KIN: variants seen among roughly 807,000 people sequenced by gnomAD.
KIN encodes Kin17 DNA and RNA binding protein.
Under a neutral mutation model 63.0 loss-of-function variants are expected in KIN, and 47 were observed. That is an observed-to-expected ratio of 0.75 (90% CI 0.59 to 0.95). KIN has a LOEUF of 0.95. Among genes scored for constraint, KIN ranks in the 40% least tolerant of loss-of-function variants. KIN has a pLI of 0.00. For synonymous variants in KIN, 160 were observed against 157.7 expected (o/e 1.01, Z -0.11); for missense variants, 408 against 460.9 (o/e 0.89, Z 1.05).
In KIN at chr10:7,778,012, A is replaced by G. The variant is rs183725802; in HGVS notation, c.558+826T>C. Reference sequence around the variant, plus strand: ...TGGCACAGCGGAGGCGCTTATAAATATATGTTGAAATAAATGCCCCAACCT... The same window carrying G: ...TGGCACAGCGGAGGCGCTTATAAATGTATGTTGAAATAAATGCCCCAACCT... On this transcript the variant is annotated intron_variant, in intron 5 of 12. Coordinates refer to ENST00000379562, the MANE Select transcript of KIN (RefSeq NM_012311.4). Among the ~76,000 whole-genome samples, 35 of 152,188 alleles carry G rather than the reference A, an allele frequency of 2.3e-4. No individual in the cohort carries two copies. In the East Asian group the frequency reaches 6.4e-3, roughly 28 times the overall value.
intron 2 of KIN, among the ~76,000 whole-genome samples, chr10:7,781,940 C>T (rs1433112266): frequency 6.6e-6 from 1 of 151,910 alleles, no homozygotes; most frequent in Non-Finnish European, 1.5e-5. Context: ...TGCCTGTAAT[C>T]CCAGCTACTT....
In KIN at chr10:7,753,992, G is replaced by A. The variant is rs941111298; in HGVS notation, c.*2088C>T. ...GCTTATACCCATCCTCATGTTTGAA[G>A]TGATCATCCTGGTATGGTCTGTTTT... On this transcript the variant is annotated 3_prime_UTR_variant, in exon 13 of 13. Coordinates refer to ENST00000379562, the MANE Select transcript of KIN (RefSeq NM_012311.4). 4.4e-6 allele frequency: 2 copies of A among 455,502 alleles called. No homozygotes were observed. The highest frequency in any genetic ancestry group is 8.8e-6 in the Non-Finnish European group (2 of 226,646). 28.2% of individuals were successfully genotyped at this position (455,502 alleles called of 1,614,324 possible).
rs562155543 is a variant in KIN, at chr10:7,751,947, A to C, written c.*4133T>G. Reference sequence around the variant, plus strand: ...CTACTCGGGAGGCTGAGGCAGGAGAATGGCGTGAACCCGGGAAGCGGAGCT... The same window carrying C: ...CTACTCGGGAGGCTGAGGCAGGAGACTGGCGTGAACCCGGGAAGCGGAGCT... On this transcript the variant is annotated 3_prime_UTR_variant, in exon 13 of 13. Transcript: ENST00000379562. The C allele has an allele frequency of 7.4e-5, 2 of 27,088 alleles. 1 individual carries two copies. The highest frequency in any genetic ancestry group is 1.9e-3 in the South Asian group (2 of 1,072). 1.7% of individuals were successfully genotyped at this position (27,088 alleles called of 1,614,324 possible).
At position 7,763,800 on chromosome 10, in the gene KIN, T is replaced by C. The variant is rs1451487255; in HGVS notation, c.850-9A>G. 8.2e-7 allele frequency: 1 copy of C among 1,223,880 alleles called. No individual in the cohort carries two copies. Among genetic ancestry groups the C allele is most frequent in the Non-Finnish European group, 1.2e-6 (1 of 850,006 alleles). 75.8% of individuals were successfully genotyped at this position (1,223,880 alleles called of 1,614,324 possible). A position where few individuals can be genotyped will look rare whatever the true frequency, so the allele number is the denominator to read the frequency against. On this transcript the variant is annotated splice_polypyrimidine_tract_variant and intron_variant, in intron 9 of 12. Coordinates refer to ENST00000379562, the MANE Select transcript of KIN (RefSeq NM_012311.4). Reference sequence around the variant, plus strand: ...ATTTTCACAATAATTTCCTAGAAAATAATAACAAAAAAAATGAAAGGAAAG... The same window carrying C: ...ATTTTCACAATAATTTCCTAGAAAACAATAACAAAAAAAATGAAAGGAAAG...
In KIN at chr10:7,760,911, C is replaced by A. The variant is rs536469697; in HGVS notation, c.1019-921G>T. On this transcript the variant is annotated intron_variant, in intron 11 of 12. Coordinates refer to ENST00000379562, the MANE Select transcript of KIN (RefSeq NM_012311.4). ...AAGAATGAACTACAGATACGTTCCA[C>A]CACATAGGTGAATCCAAAATAATTA... 1.9e-4 allele frequency among the ~76,000 whole-genome samples: 29 copies of A among 152,306 alleles called. No homozygotes were observed. In the East Asian group the frequency reaches 5.2e-3, roughly 27 times the overall value.
At chr10:7,762,059 T>G (rs1835445366) in intron 11 of KIN, among the ~76,000 whole-genome samples, 1 of 152,082 alleles carries the variant, frequency 6.6e-6, no homozygotes, top group Non-Finnish European at 1.5e-5. Context: ...TGTTAAGACA[T>G]GGGTTCCAAC....
chr10:7,754,249 G>C lies in KIN; in HGVS notation c.*1831C>G. ...GGGAGGCTGAGGTGGGAGAATCAATGACCTAAGCCCAGGAGGACGAGGCTG... is the reference window on the plus strand; with the variant it reads ...GGGAGGCTGAGGTGGGAGAATCAATCACCTAAGCCCAGGAGGACGAGGCTG... On this transcript the variant is annotated 3_prime_UTR_variant, in exon 13 of 13. Coordinates refer to ENST00000379562, the MANE Select transcript of KIN (RefSeq NM_012311.4). 1 of 367,596 alleles carries C rather than the reference G, an allele frequency of 2.7e-6. No individual in the cohort carries two copies. Among genetic ancestry groups the C allele is most frequent in the Middle Eastern group, 1.0e-3 (1 of 992 alleles). 22.8% of individuals were successfully genotyped at this position (367,596 alleles called of 1,614,324 possible). A position where few individuals can be genotyped will look rare whatever the true frequency, so the allele number is the denominator to read the frequency against.
intron 5 of KIN, among the ~76,000 whole-genome samples, chr10:7,777,923 A>T (rs1356909881): frequency 2.0e-5 from 3 of 151,846 alleles, no homozygotes; most frequent in Non-Finnish European, 4.4e-5. Context: ...AAAAAATGTA[A>T]GCCACAGGAG....
rs1405805207 is a variant in KIN at position 7,752,502 on chromosome 10, G to T, written c.*3578C>A. The T allele has an allele frequency of 2.6e-5, 4 of 152,334 alleles. No individual in the cohort carries two copies. In the East Asian group the frequency reaches 7.7e-4, roughly 29 times the overall value. 9.4% of individuals were successfully genotyped at this position (152,334 alleles called of 1,614,324 possible). ...AATACAAAATGGTACAGTCACTCTG[G>T]AAGACAGGTTGGTAGTTTCTCAGAA... On this transcript the variant is annotated 3_prime_UTR_variant, in exon 13 of 13. Transcript: ENST00000379562.
chr10:7,758,197 C>T (rs11255343), intron 12 of KIN, among the ~76,000 whole-genome samples: 19,575 of 151,776 alleles, frequency 0.13, 1,445 homozygotes, highest in East Asian at 0.29. Context: ...CTCAGTCTCC[C>T]GAGCTGGGAC....
intron 1 of KIN, among the ~76,000 whole-genome samples, chr10:7,784,225 T>A (rs1478610660): frequency 6.6e-6 from 1 of 152,142 alleles, no homozygotes. Flanking sequence ...CCTTCCAGTA[T>A]CAGGAGATTA....
Position 7,753,944 on chromosome 10 carries a change from C to A in KIN, c.*2136G>T, listed in dbSNP as rs925979352. ...TAAAGAGAGAGATCCCAGGGTTTGG[C>A]ACCATACCTGTGTCTGACGTCAGCT... On this transcript the variant is annotated 3_prime_UTR_variant, in exon 13 of 13. Transcript: ENST00000379562. 7.0e-6 allele frequency: 3 copies of A among 426,026 alleles called. No individual in the cohort carries two copies. The highest frequency in any genetic ancestry group is 4.0e-5 in the African/African-American group (2 of 49,412). The allele number at this position is 426,026 out of a possible 1,614,324, so 26.4% of individuals were successfully genotyped here.
chr10:7,786,139 G>A (rs1416152881), intron 1 of KIN, among the ~76,000 whole-genome samples: 3 of 152,162 alleles, frequency 2.0e-5, no homozygotes, highest in South Asian at 4.1e-4. Context: ...AGGGAGACTG[G>A]AGAGGGGAGC....
rs555979267 is a variant in KIN, at chr10:7,766,068, G to T, written c.834C>A (p.Asp278Glu). The change falls in exon 9 of 13, where the codon GAC (aspartate) becomes GAA (glutamate). Residue 278 changes from aspartate (D) to glutamate (E), a missense_variant. Physicochemically the swap from Asp to Glu is conservative, Grantham distance 45. This residue lies in a region of KIN where 298 missense variants were observed against 296.0 expected (regional missense o/e 1.01). Transcript: ENST00000379562. ...EEEKKRTART[D>E]YWLQPEIIVK... ...GAATACTTACAGGCTGTAGCCAGTAGTCTGTTCGGGCAGTTCTTTTCTTTT... is the reference window on the plus strand; with the variant it reads ...GAATACTTACAGGCTGTAGCCAGTATTCTGTTCGGGCAGTTCTTTTCTTTT... 1.4e-5 allele frequency: 22 copies of T among 1,611,038 alleles called. No individual in the cohort carries two copies. In the African/African-American group the frequency reaches 2.9e-4, roughly 22 times the overall value.
intron 10 of KIN, among the ~76,000 whole-genome samples, chr10:7,763,251 G>A (rs1178380977): frequency 1.3e-5 from 2 of 152,102 alleles, no homozygotes; most frequent in Non-Finnish European, 2.9e-5. Flanking sequence ...GCCAGACTCT[G>A]TCTCAGAAAT....
rs1336038906 is a variant in KIN at position 7,753,329 on chromosome 10, T to G, written c.*2751A>C. The stretch of plus-strand genomic sequence containing the variant: ...TGTGGGAGGCAGACATGAAACATTT[T>G]TTCTCTGAAGAAAACCACCAAGTTG... On this transcript the variant is annotated 3_prime_UTR_variant, in exon 13 of 13. Transcript: ENST00000379562. 1 of 152,220 alleles carries G rather than the reference T, an allele frequency of 6.6e-6. No homozygotes were observed. Among genetic ancestry groups the G allele is most frequent in the African/African-American group, 2.4e-5 (1 of 41,462 alleles). 9.4% of individuals were successfully genotyped at this position (152,220 alleles called of 1,614,324 possible).
chr10:7,779,807 G>A (rs1006003733), intron 4 of KIN, among the ~76,000 whole-genome samples: 15 of 152,094 alleles, frequency 9.9e-5, no homozygotes, highest in African/African-American at 3.1e-4. Context: ...AATCCCCCAC[G>A]GATACTGAGA....
At chr10:7,766,859 T>C (rs547235740) in intron 8 of KIN, among the ~76,000 whole-genome samples, 1 of 152,028 alleles carries the variant, frequency 6.6e-6, no homozygotes, top group South Asian at 2.1e-4. Flanking sequence ...GTGTCTCTAC[T>C]AAAAGTACAA....
intron 2 of KIN, among the ~76,000 whole-genome samples, chr10:7,781,750 CA>C (rs34969604): frequency 0.019 from 1,276 of 67,950 alleles, 7 homozygotes; most frequent in African/African-American, 0.042. Flanking sequence ...AAGACCCTGT[CA>C]AAAAAAAAAA....
Sources: allele counts gnomAD v4.1 joint callset (sites outside exome capture counted in the v4.1 genomes callset), GRCh38; gene constraint gnomAD v4.1.1; regional missense constraint gnomAD v4.1.1; transcripts MANE v1.5; gene names NCBI Gene and HGNC (gene_info 2026-07-23, HGNC 2026-07-21).